The following KIAA1328 variants were observed in gnomAD, a reference collection of about 807,000 sequenced individuals.
The protein encoded by KIAA1328 is protein hinderin.
KIAA1328 carries 52 observed loss-of-function variants against 68.1 expected under a neutral mutation model. That is an observed-to-expected ratio of 0.76 (90% CI 0.61 to 0.96). The LOEUF (loss-of-function observed/expected upper bound fraction) is 0.96, where lower values mean the gene tolerates loss of function less well. Among genes scored for constraint, KIAA1328 ranks in the 40% least tolerant of loss-of-function variants. KIAA1328 has a pLI of 0.00. For missense variants in KIAA1328, 641 were observed against 677.6 expected (o/e 0.95, Z 0.60); for synonymous variants, 232 against 239.4 (o/e 0.97, Z 0.28).
chr18:37,009,590 A>G (rs138342591), intron 6 of KIAA1328, among the ~76,000 whole-genome samples: 1 of 152,198 alleles, frequency 6.6e-6, no homozygotes, highest in South Asian at 2.1e-4. Context: ...AGTTGAGGCC[A>G]GGGATATCAC....
At chr18:37,142,248 G>T (rs888454166) in intron 7 of KIAA1328, among the ~76,000 whole-genome samples, 2 of 152,108 alleles carry the variant, frequency 1.3e-5, no homozygotes, top group Non-Finnish European at 2.9e-5. Context: ...CCGGATTGCA[G>T]TGGCGTGATC....
chr18:36,929,665 A>T (rs1488741241), intron 5 of KIAA1328, among the ~76,000 whole-genome samples: 1 of 152,006 alleles, frequency 6.6e-6, no homozygotes, highest in Non-Finnish European at 1.5e-5. Context: ...GGTCTTGAGG[A>T]TGGAGCACTC....
chr18:37,000,233 T>A (rs926187129), intron 6 of KIAA1328, among the ~76,000 whole-genome samples: 7 of 152,014 alleles, frequency 4.6e-5, no homozygotes, highest in African/African-American at 1.7e-4. Context: ...AAACAGACGT[T>A]AAGTCAAAAA....
intron 9 of KIAA1328, among the ~76,000 whole-genome samples, chr18:37,213,820 G>C (rs1322521204): frequency 6.6e-6 from 1 of 152,122 alleles, no homozygotes; most frequent in Admixed American, 6.5e-5. Flanking sequence ...GTTATTTCCT[G>C]ACTTTTTAAT....
intron 4 of KIAA1328, among the ~76,000 whole-genome samples, chr18:36,872,034 G>T (rs2047962588): frequency 6.6e-6 from 1 of 152,132 alleles, no homozygotes; most frequent in South Asian, 2.1e-4. Context: ...CCATGGAAAA[G>T]AAACAAAGTT....
intron 7 of KIAA1328, among the ~76,000 whole-genome samples, chr18:37,073,800 C>A (rs1245507215): frequency 6.6e-6 from 1 of 152,126 alleles, no homozygotes; most frequent in Non-Finnish European, 1.5e-5. Context: ...GTGCTTTTTG[C>A]AGCATTTTTA....
intron 6 of KIAA1328, among the ~76,000 whole-genome samples, chr18:37,046,440 ATGT>A (rs1349599675): frequency 2.0e-5 from 3 of 152,166 alleles, no homozygotes; most frequent in Non-Finnish European, 2.9e-5. Context: ...TGAAATCCAA[ATGT>A]TGTTTCCAAC....
At chr18:36,853,510 A>G (rs1362202247) in intron 4 of KIAA1328, among the ~76,000 whole-genome samples, 4 of 152,098 alleles carry the variant, frequency 2.6e-5, no homozygotes, top group African/African-American at 9.7e-5. Flanking sequence ...TACAGTTAAC[A>G]TAGTAAATTT....
intron 7 of KIAA1328, among the ~76,000 whole-genome samples, chr18:37,116,392 C>T (rs1898566373): frequency 6.6e-6 from 1 of 152,002 alleles, no homozygotes; most frequent in African/African-American, 2.4e-5. Context: ...ACAAACCTGA[C>T]AAAAACAAGA....
chr18:37,124,944 T>A (rs546994186), intron 7 of KIAA1328, among the ~76,000 whole-genome samples: 1 of 152,254 alleles, frequency 6.6e-6, no homozygotes, highest in Non-Finnish European at 1.5e-5. Context: ...TGGCAAAATG[T>A]TTATCTGTTA....
In KIAA1328 at chr18:37,048,611, A is replaced by G. The variant is rs1314216288; in HGVS notation, c.577-18279A>G. On this transcript the variant is annotated intron_variant, in intron 6 of 9. Transcript: ENST00000280020. ...AATATAATAATGGTGCTTTACGTTT[A>G]AATTCTCATTTCAAAAGCAAAAATT... Among the ~76,000 whole-genome samples the G allele has an allele frequency of 5.9e-5, 9 of 152,238 alleles. No homozygotes were observed. In the East Asian group the frequency reaches 1.7e-3, roughly 29 times the overall value.
chr18:36,922,465 A>C (rs2049962884), intron 5 of KIAA1328, among the ~76,000 whole-genome samples: 1 of 152,132 alleles, frequency 6.6e-6, no homozygotes, highest in Non-Finnish European at 1.5e-5. Flanking sequence ...CCACATCATC[A>C]TGGGAAATTT....
chr18:37,090,291 A>C (rs1232520612), intron 7 of KIAA1328, among the ~76,000 whole-genome samples: 2 of 152,164 alleles, frequency 1.3e-5, no homozygotes, highest in African/African-American at 4.8e-5. Flanking sequence ...AATAAATAAA[A>C]TTTGCTTGAA....
chr18:36,900,628 G>C (rs752148434), intron 5 of KIAA1328, among the ~76,000 whole-genome samples: 9 of 151,860 alleles, frequency 5.9e-5, no homozygotes, highest in Non-Finnish European at 1.3e-4. Flanking sequence ...CGCCATCAGG[G>C]CTGGAAAACA....
intron 5 of KIAA1328, among the ~76,000 whole-genome samples, chr18:36,899,449 T>C (rs1311945963): frequency 6.6e-6 from 1 of 151,896 alleles, no homozygotes; most frequent in Non-Finnish European, 1.5e-5. Flanking sequence ...TGCCCGTTAG[T>C]GCTGAATCTG....
At chr18:36,900,985 C>CA (rs2049018621) in intron 5 of KIAA1328, among the ~76,000 whole-genome samples, 1 of 152,008 alleles carries the variant, frequency 6.6e-6, no homozygotes, top group African/African-American at 2.4e-5. Context: ...GTTGTCTCTT[C>CA]AAAATGCTTC....
chr18:37,028,265 A>C (rs943466302), intron 6 of KIAA1328, among the ~76,000 whole-genome samples: 26 of 152,120 alleles, frequency 1.7e-4, no homozygotes, highest in African/African-American at 5.6e-4. Context: ...GATTAGCTGT[A>C]TTCGAAAATA....
At chr18:37,043,100 TTC>T (rs1351081368) in intron 6 of KIAA1328, among the ~76,000 whole-genome samples, 1 of 152,202 alleles carries the variant, frequency 6.6e-6, no homozygotes, top group Non-Finnish European at 1.5e-5. Context: ...TAAAAAAAAA[TTC>T]TCTCTCTTTA....
At chr18:37,015,463 A>G (rs906288478) in intron 6 of KIAA1328, among the ~76,000 whole-genome samples, 2 of 151,928 alleles carry the variant, frequency 1.3e-5, no homozygotes, top group African/African-American at 4.8e-5. Flanking sequence ...TTTCTTTAGG[A>G]TTGCTTTGGC....
Sources: gnomAD v4.1 joint callset for allele counts (sites outside exome capture counted in the v4.1 genomes callset) on GRCh38, gnomAD v4.1.1 for gene constraint, MANE v1.5 for transcripts, NCBI Gene and HGNC (gene_info 2026-07-23, HGNC 2026-07-21) for gene names.